The following FOLH1 variants were observed in gnomAD, a reference collection of about 807,000 sequenced individuals.
The protein encoded by FOLH1 is folate hydrolase 1.
In FOLH1, 54 loss-of-function variants were observed where a neutral mutation model predicts 93.9. The observed-to-expected ratio is 0.57, with a 90% CI of 0.46 to 0.72. The LOEUF (loss-of-function observed/expected upper bound fraction) is 0.72, where lower values mean the gene tolerates loss of function less well. Ranked by LOEUF, FOLH1 falls within the 30% of genes least tolerant of loss-of-function variation. The pLI, the probability that FOLH1 is intolerant of heterozygous loss-of-function variation, is 0.00. For missense variants in FOLH1, 571 were observed against 892.5 expected, an observed-to-expected ratio of 0.64 and a Z score of 4.59; for synonymous variants, 249 against 303.6, an observed-to-expected ratio of 0.82 and a Z score of 1.87.
At chr11:49,153,043 T>C (rs1856647792) in intron 17 of FOLH1, among the ~76,000 whole-genome samples, 1 of 152,156 alleles carries the variant, frequency 6.6e-6, no homozygotes, top group Admixed American at 6.6e-5. Flanking sequence ...TTCTACATCA[T>C]CTACTGTAAT....
intron 17 of FOLH1, among the ~76,000 whole-genome samples, chr11:49,150,102 A>G (rs1856316366): frequency 6.6e-6 from 1 of 152,160 alleles, no homozygotes; most frequent in Admixed American, 6.5e-5. Context: ...ATTACAGTGA[A>G]TAATACTGAA....
intron 6 of FOLH1, among the ~76,000 whole-genome samples, chr11:49,184,386 T>C (rs202693): frequency 0.36 from 54,399 of 151,928 alleles, 10,788 homozygotes; most frequent in African/African-American, 0.54. Context: ...ACATAATTTC[T>C]CCCTAAAATA....
In FOLH1 at chr11:49,157,997, C is replaced by T; in HGVS notation, c.1487G>A (p.Ser496Asn). ...TGGGGAAGGACTTTTTTTAGTCCAACTTTCATAAAGAGATTTGCCTTCAAA... is the reference window on the plus strand; with the variant it reads ...TGGGGAAGGACTTTTTTTAGTCCAATTTTCATAAAGAGATTTGCCTTCAAA... ...EGFEGKSLYE[S>N]WTKKSPSPEF... The change falls in exon 14 of 19, where the codon AGT becomes AAT. Residue 496 changes from serine (S) to asparagine (N), a missense_variant. By Grantham distance (46) the Ser-to-Asn change is conservative (BLOSUM62 1). Transcript: ENST00000256999. The T allele has an allele frequency of 6.3e-7, 1 of 1,599,696 alleles. No individual in the cohort carries two copies. The highest frequency in any genetic ancestry group is 1.7e-4 in the Middle Eastern group (1 of 5,998).
At chr11:49,202,805 T>G (rs1474755806) in intron 2 of FOLH1, among the ~76,000 whole-genome samples, 2 of 152,200 alleles carry the variant, frequency 1.3e-5, no homozygotes, top group Non-Finnish European at 2.9e-5. Context: ...CCTGTAGTAC[T>G]ACCTACTGGG....
chr11:49,182,614 G>A (rs962527588), intron 7 of FOLH1, among the ~76,000 whole-genome samples: 12 of 152,298 alleles, frequency 7.9e-5, no homozygotes, highest in African/African-American at 2.9e-4. Context: ...AATGAGGAGA[G>A]AGCTAGGAAA....
At chr11:49,199,384 A>G (rs1490762327) in intron 3 of FOLH1, among the ~76,000 whole-genome samples, 1 of 152,192 alleles carries the variant, frequency 6.6e-6, no homozygotes, top group South Asian at 2.1e-4. Flanking sequence ...ATATGCCCCA[A>G]CTTGCAAACA....
At chr11:49,204,946 C>T (rs769717234) in intron 2 of FOLH1, among the ~76,000 whole-genome samples, 4 of 152,072 alleles carry the variant, frequency 2.6e-5, no homozygotes, top group South Asian at 4.1e-4. Flanking sequence ...TGTGGGGGCT[C>T]ACACCGGTAA....
At chr11:49,175,773 A>G in intron 8 of FOLH1, 86 bp downstream of exon 8, 1 of 1,222,928 alleles carries the variant, frequency 8.2e-7, no homozygotes. Flanking sequence ...GTATTACATA[A>G]ATTTTACTTT....
At chr11:49,192,599 T>C (rs1377147984) in intron 4 of FOLH1, among the ~76,000 whole-genome samples, 194 bp downstream of exon 4, 2 of 152,218 alleles carry the variant, frequency 1.3e-5, no homozygotes, top group Non-Finnish European at 1.5e-5. Flanking sequence ...CAGTAAGTTG[T>C]ATCTTTAAAA....
chr11:49,149,164 G>A (rs1254994321), intron 17 of FOLH1, among the ~76,000 whole-genome samples: 2 of 152,084 alleles, frequency 1.3e-5, no homozygotes, highest in African/African-American at 4.8e-5. Flanking sequence ...TAATGTAAAT[G>A]ACGAGTCCTC....
chr11:49,160,157 G>T (rs1857529840), intron 13 of FOLH1, among the ~76,000 whole-genome samples: 1 of 151,800 alleles, frequency 6.6e-6, no homozygotes, highest in Non-Finnish European at 1.5e-5. Context: ...ATTTCTGTGG[G>T]GTCAGTGAGA....
intron 3 of FOLH1, among the ~76,000 whole-genome samples, chr11:49,197,458 G>C (rs910661056): frequency 6.6e-6 from 1 of 152,068 alleles, no homozygotes; most frequent in Non-Finnish European, 1.5e-5. Flanking sequence ...TATAATTTCT[G>C]TTTACATTTT....
At chr11:49,198,161 A>G (rs1862830179) in intron 3 of FOLH1, among the ~76,000 whole-genome samples, 1 of 149,800 alleles carries the variant, frequency 6.7e-6, no homozygotes. Context: ...AAAACTGGGA[A>G]GTGAGGAGGA....
intron 4 of FOLH1, among the ~76,000 whole-genome samples, chr11:49,190,722 C>T (rs1345984513): frequency 1.3e-5 from 2 of 152,154 alleles, no homozygotes; most frequent in Non-Finnish European, 1.5e-5. Flanking sequence ...ATTTTATGAA[C>T]ATCGCAAATT....
In FOLH1 at chr11:49,183,252, A is replaced by C; in HGVS notation, c.827-10T>G. ...CGCCTATAAGCATATTCTGAAAAAA[A>C]AAATTGCCATATTTCCAGTAAAAAC... On this transcript the variant is annotated splice_polypyrimidine_tract_variant and intron_variant, in intron 6 of 18. Transcript: ENST00000256999. 6.2e-7 allele frequency: 1 copy of C among 1,601,734 alleles called. No homozygotes were observed. Among genetic ancestry groups the C allele is most frequent in the Non-Finnish European group, 8.5e-7 (1 of 1,175,488 alleles).
Position 49,193,464 on chromosome 11 carries a change from CTTTG to C in FOLH1, c.412-574_412-571del, listed in dbSNP as rs971152970. 1.3e-4 allele frequency among the ~76,000 whole-genome samples: 19 copies of C among 151,974 alleles called. No homozygotes were observed. In the South Asian group the frequency reaches 1.9e-3, roughly 15 times the overall value. Reference sequence around the variant, plus strand: ...ATTTTAATCACCAAATAAAAAGTACCTTTGTTTGGTAATCTCAATCATTATAATA... The same window carrying C: ...ATTTTAATCACCAAATAAAAAGTACCTTTGGTAATCTCAATCATTATAATA... On this transcript the variant is annotated intron_variant, in intron 3 of 18. Transcript: ENST00000256999.
chr11:49,174,552 T>C (rs1021067309), intron 9 of FOLH1, among the ~76,000 whole-genome samples: 3 of 152,132 alleles, frequency 2.0e-5, no homozygotes, highest in African/African-American at 4.8e-5. Flanking sequence ...TGAAGATATT[T>C]ATGCAAAAAT....
intron 10 of FOLH1, 88 bp downstream of exon 10, chr11:49,173,269 T>G: frequency 1.5e-6 from 2 of 1,330,716 alleles, no homozygotes; most frequent in Admixed American, 5.1e-5. Flanking sequence ...CATGTAATGG[T>G]TGAGGTAGTA....
At chr11:49,167,767 G>A (rs974917025) in intron 12 of FOLH1, among the ~76,000 whole-genome samples, 1 of 151,824 alleles carries the variant, frequency 6.6e-6, no homozygotes, top group African/African-American at 2.4e-5. Flanking sequence ...AGCCATGATC[G>A]CTCCACGCAC....
Sources: allele counts gnomAD v4.1 joint callset (sites outside exome capture counted in the v4.1 genomes callset), GRCh38; gene constraint gnomAD v4.1.1; transcripts MANE v1.5; gene names NCBI Gene and HGNC (gene_info 2026-07-23, HGNC 2026-07-21).